Variants in LARGE1 observed in about 807,000 individuals in gnomAD.
LARGE1 encodes the protein LARGE xylosyl- and glucuronyltransferase 1, also known as xylosyl- and glucuronyltransferase LARGE1.
In LARGE1, 43 loss-of-function variants were observed where a neutral mutation model predicts 87.6. The ratio of observed to expected loss-of-function variants is 0.49; its 90% CI spans 0.38 to 0.63. The LOEUF (loss-of-function observed/expected upper bound fraction) is 0.63. Ranked by LOEUF, LARGE1 falls within the 30% of genes least tolerant of loss-of-function variation. LARGE1 has a pLI of 0.00. For synonymous variants in LARGE1, 434 were observed against 394.6 expected, an observed-to-expected ratio of 1.10 and a Z score of -1.18; for missense variants, 802 against 1,000.2, an observed-to-expected ratio of 0.80 and a Z score of 2.67.
At chr22:33,527,054 C>T (rs956427224) in intron 6 of LARGE1, among the ~76,000 whole-genome samples, 1 of 152,112 alleles carries the variant, frequency 6.6e-6, no homozygotes. Flanking sequence ...GTCAGGAGTT[C>T]GAGACCAGCC....
rs571696949 is a variant in LARGE1, at chr22:33,347,097, C to G, written c.1132-9296G>C. On this transcript the variant is annotated intron_variant, in intron 9 of 14. Coordinates refer to ENST00000397394, the MANE Select transcript of LARGE1 (RefSeq NM_133642.5). ...CTCTAGAGTTCTCAGGTAAGAAATT[C>G]AAACCCCCTACTTTATTTTAAGCCA... Among the ~76,000 whole-genome samples the G allele has an allele frequency of 9.9e-5, 15 of 152,280 alleles. No individual in the cohort carries two copies. In the East Asian group the frequency reaches 2.3e-3, roughly 24 times the overall value.
At chr22:33,560,727 A>G (rs2077829828) in intron 6 of LARGE1, among the ~76,000 whole-genome samples, 1 of 152,166 alleles carries the variant, frequency 6.6e-6, no homozygotes, top group Non-Finnish European at 1.5e-5. Context: ...ACAGACTCCA[A>G]AGCCGTATGG....
At chr22:33,885,508 T>G (rs187408719) in intron 1 of LARGE1, among the ~76,000 whole-genome samples, 112 of 152,346 alleles carry the variant, frequency 7.4e-4, no homozygotes, top group Middle Eastern at 6.8e-3. Context: ...TAAGGCAGCC[T>G]TACGTAACTA....
At chr22:33,162,927 T>C (rs1419874440) in exon 12 of LARGE1, 1 of 152,198 alleles carries the variant, frequency 6.6e-6, no homozygotes, top group Non-Finnish European at 1.5e-5. Context: ...TGGAGGTGGA[T>C]TACAGTCCTC....
chr22:33,192,152 A>G (rs1923816804), intron 11 of LARGE1, among the ~76,000 whole-genome samples: 1 of 152,256 alleles, frequency 6.6e-6, no homozygotes, highest in Non-Finnish European at 1.5e-5. Flanking sequence ...AAGTGCAGTG[A>G]CTACATAAAA....
chr22:33,634,453 T>C (rs1200789951), intron 3 of LARGE1, among the ~76,000 whole-genome samples: 1 of 152,164 alleles, frequency 6.6e-6, no homozygotes, highest in Non-Finnish European at 1.5e-5. Context: ...TTAACTGTGA[T>C]TATTTTGAGA....
At chr22:33,210,816 C>G (rs1198244476) in intron 11 of LARGE1, among the ~76,000 whole-genome samples, 2 of 152,264 alleles carry the variant, frequency 1.3e-5, no homozygotes, top group African/African-American at 4.8e-5. Flanking sequence ...ATGCTCTGGG[C>G]CTCACACCAC....
chr22:33,694,327 TTC>T (rs2149347251), intron 2 of LARGE1, among the ~76,000 whole-genome samples: 1 of 152,296 alleles, frequency 6.6e-6, no homozygotes, highest in East Asian at 1.9e-4. Context: ...TTAGGAGAAA[TTC>T]TGTTTGCCTA....
At chr22:33,442,674 G>A (rs1319942994) in intron 6 of LARGE1, among the ~76,000 whole-genome samples, 1 of 151,962 alleles carries the variant, frequency 6.6e-6, no homozygotes, top group Non-Finnish European at 1.5e-5. Flanking sequence ...CCCCATACTT[G>A]TTCTTCTTTT....
exon 12 of LARGE1, chr22:33,163,207 A>G (rs962687145): frequency 6.6e-6 from 1 of 152,208 alleles, no homozygotes; most frequent in Non-Finnish European, 1.5e-5. Context: ...CCCATGTCGC[A>G]GGTTGGAAAA....
intron 7 of LARGE1, among the ~76,000 whole-genome samples, chr22:33,401,856 C>T (rs545195918): frequency 8.5e-5 from 13 of 152,312 alleles, no homozygotes; most frequent in African/African-American, 2.6e-4. Flanking sequence ...TATTTTGTTA[C>T]GGCAGCCCTA....
At chr22:33,392,044 C>G (rs1324063990) in intron 7 of LARGE1, among the ~76,000 whole-genome samples, 1 of 152,044 alleles carries the variant, frequency 6.6e-6, no homozygotes, top group African/African-American at 2.4e-5. Flanking sequence ...GTTGCAATTA[C>G]AGGTGTGAGC....
At chr22:33,761,930 G>C (rs1019240654) in intron 1 of LARGE1, among the ~76,000 whole-genome samples, 7 of 152,044 alleles carry the variant, frequency 4.6e-5, no homozygotes, top group Admixed American at 6.6e-5. Context: ...AAGAAGACTA[G>C]AATAGGCTGG....
chr22:33,891,596 A>G (rs988226086), intron 1 of LARGE1, among the ~76,000 whole-genome samples: 1 of 152,186 alleles, frequency 6.6e-6, no homozygotes, highest in South Asian at 2.1e-4. Flanking sequence ...CAACATTAGT[A>G]CCTACAACTC....
At chr22:33,368,679 T>C (rs1404701281) in intron 9 of LARGE1, among the ~76,000 whole-genome samples, 2 of 152,126 alleles carry the variant, frequency 1.3e-5, no homozygotes, top group Non-Finnish European at 2.9e-5. Context: ...CAGATATATA[T>C]ACAGGCATAA....
intron 6 of LARGE1, among the ~76,000 whole-genome samples, chr22:33,470,760 C>T (rs183680574): frequency 4.6e-5 from 7 of 152,342 alleles, no homozygotes; most frequent in Admixed American, 2.0e-4. Flanking sequence ...GTCTGGCCCA[C>T]ACCATCTAAG....
intron 6 of LARGE1, among the ~76,000 whole-genome samples, chr22:33,435,267 G>T (rs1052700738): frequency 8.5e-5 from 13 of 152,168 alleles, no homozygotes; most frequent in Admixed American, 7.9e-4. Flanking sequence ...CTCCCAAAGT[G>T]CTAGGATTAC....
intron 1 of LARGE1, among the ~76,000 whole-genome samples, chr22:33,855,737 G>T (rs1342200856): frequency 6.6e-6 from 1 of 152,084 alleles, no homozygotes. Context: ...CAGAGTGGGG[G>T]GGTTCCTTAC....
chr22:33,084,361 T>C, the LARGE1 span, among the ~76,000 whole-genome samples: 1 of 152,066 alleles, frequency 6.6e-6, no homozygotes, highest in African/African-American at 2.4e-5. Flanking sequence ...TGCTGTCTGA[T>C]AGAAATATAA....
Sources: allele counts gnomAD v4.1 joint callset (sites outside exome capture counted in the v4.1 genomes callset), GRCh38; gene constraint gnomAD v4.1.1; transcripts MANE v1.5; gene names NCBI Gene and HGNC (gene_info 2026-07-23, HGNC 2026-07-21).